Variants in SPOCK1 observed in about 807,000 individuals in gnomAD.
SPOCK1 encodes testican-1.
In SPOCK1, 23 loss-of-function variants were observed where a neutral mutation model predicts 55.3. The observed-to-expected ratio is 0.42, with a 90% confidence interval of 0.30 to 0.59. The LOEUF (loss-of-function observed/expected upper bound fraction) is 0.59. Ranked by LOEUF, SPOCK1 falls within the 20% of genes least tolerant of loss-of-function variation. The pLI, the probability that SPOCK1 is intolerant of heterozygous loss-of-function variation, is 0.22. For synonymous variants in SPOCK1, 226 were observed against 221.0 expected (o/e 1.02, Z -0.20); for missense variants, 499 against 552.5 (o/e 0.90, Z 0.97).
intron 3 of SPOCK1, among the ~76,000 whole-genome samples, chr5:137,234,726 C>T (rs1756142456): frequency 6.6e-6 from 1 of 152,098 alleles, no homozygotes; most frequent in South Asian, 2.1e-4. Flanking sequence ...GACTTGCCTC[C>T]AAAGAAGAGT....
intron 3 of SPOCK1, among the ~76,000 whole-genome samples, chr5:137,186,539 A>G (rs1027913824): frequency 1.3e-5 from 2 of 152,232 alleles, no homozygotes; most frequent in Non-Finnish European, 2.9e-5. Flanking sequence ...CTCTAGCTTC[A>G]CAAGGCAATG....
chr5:137,005,701 A>T lies in SPOCK1; in HGVS notation c.590-13101T>A, dbSNP rs555018727. Among the ~76,000 whole-genome samples, 12 of 152,256 alleles carry T rather than the reference A, an allele frequency of 7.9e-5. No homozygotes were observed. In the East Asian group the frequency reaches 1.7e-3, roughly 22 times the overall value. On this transcript the variant is annotated intron_variant, in intron 6 of 10. Coordinates refer to ENST00000394945, the MANE Select transcript of SPOCK1 (RefSeq NM_004598.4). ...GCCAGAAATGAGAAGAGTGAACAAC[A>T]TGAAGAGGAAATAAAGAAGGAATTA...
chr5:137,433,378 T>C (rs1040555357), intron 2 of SPOCK1, among the ~76,000 whole-genome samples: 30 of 152,182 alleles, frequency 2.0e-4, no homozygotes, highest in African/African-American at 6.8e-4. Context: ...CTTTATTTCA[T>C]GGAGGAGGGC....
chr5:137,199,415 C>A (rs939737399), intron 3 of SPOCK1, among the ~76,000 whole-genome samples: 16 of 152,104 alleles, frequency 1.1e-4, no homozygotes, highest in African/African-American at 3.6e-4. Context: ...AGAAAAGAGC[C>A]TCCTGGGTTG....
intron 2 of SPOCK1, among the ~76,000 whole-genome samples, chr5:137,418,267 G>T (rs1222935319): frequency 1.3e-5 from 2 of 152,052 alleles, no homozygotes; most frequent in Non-Finnish European, 2.9e-5. Flanking sequence ...ATAAACACAC[G>T]TGTACATGTG....
chr5:137,017,262 TCTCTTATGGCAGTACCTTGATGTG>T (rs1330744434), intron 6 of SPOCK1, among the ~76,000 whole-genome samples: 4 of 152,026 alleles, frequency 2.6e-5, no homozygotes, highest in Admixed American at 2.6e-4. Flanking sequence ...CATTTCTGTC[TCTCTTATGGCAGTACCTTGATGTG>T]GTAGGAGCTT....
chr5:137,091,652 CT>C (rs1753056611), intron 5 of SPOCK1, among the ~76,000 whole-genome samples: 1 of 152,186 alleles, frequency 6.6e-6, no homozygotes, highest in Admixed American at 6.5e-5. Context: ...CACTGTCAGT[CT>C]GTTGGAGGAT....
chr5:137,283,702 A>G (rs1486324548), intron 2 of SPOCK1, among the ~76,000 whole-genome samples: 6 of 152,100 alleles, frequency 3.9e-5, no homozygotes, highest in African/African-American at 1.4e-4. Flanking sequence ...GTGACAGAGC[A>G]AAACCCTATC....
At chr5:137,290,485 C>G (rs945477075) in intron 2 of SPOCK1, among the ~76,000 whole-genome samples, 5 of 152,150 alleles carry the variant, frequency 3.3e-5, no homozygotes, top group Admixed American at 1.3e-4. Flanking sequence ...ATTAGGGGAG[C>G]ATGAGCGAGG....
At chr5:137,134,544 A>G (rs1031097841) in intron 4 of SPOCK1, among the ~76,000 whole-genome samples, 8 of 152,236 alleles carry the variant, frequency 5.3e-5, no homozygotes, top group Admixed American at 3.9e-4. Flanking sequence ...AGCCACTTGG[A>G]GAAGGGGCAT....
At chr5:137,224,662 C>G (rs972406497) in intron 3 of SPOCK1, among the ~76,000 whole-genome samples, 16 of 152,334 alleles carry the variant, frequency 1.1e-4, no homozygotes, top group Admixed American at 9.1e-4. Flanking sequence ...ACCTCATACA[C>G]ACGGCTTCAT....
intron 2 of SPOCK1, among the ~76,000 whole-genome samples, chr5:137,362,008 A>T (rs1241603000): frequency 1.3e-5 from 2 of 152,196 alleles, no homozygotes; most frequent in Non-Finnish European, 2.9e-5. Flanking sequence ...CGAGCTGTTC[A>T]GAGATGGAGG....
intron 5 of SPOCK1, among the ~76,000 whole-genome samples, chr5:137,071,050 T>G (rs1752604404): frequency 6.7e-6 from 1 of 148,366 alleles, no homozygotes; most frequent in Admixed American, 6.8e-5. Flanking sequence ...AGAGACAGGG[T>G]CTCACTCTGT....
intron 3 of SPOCK1, among the ~76,000 whole-genome samples, chr5:137,164,147 C>A (rs1039073307): frequency 2.0e-5 from 3 of 152,228 alleles, no homozygotes; most frequent in Admixed American, 2.0e-4. Flanking sequence ...TTAATGGGAC[C>A]AAGAATATTC....
chr5:137,034,148 C>T (rs1232434560), intron 6 of SPOCK1, among the ~76,000 whole-genome samples: 1 of 152,230 alleles, frequency 6.6e-6, no homozygotes, highest in African/African-American at 2.4e-5. Flanking sequence ...TTCTCTCCTG[C>T]CCTGGAGGAC....
intron 3 of SPOCK1, among the ~76,000 whole-genome samples, chr5:137,247,581 G>A (rs1343647346): frequency 6.6e-6 from 1 of 152,086 alleles, no homozygotes; most frequent in Non-Finnish European, 1.5e-5. Flanking sequence ...GATTTGCAGA[G>A]CACTTTAAAA....
At chr5:137,476,348 G>A (rs1318888855) in intron 2 of SPOCK1, among the ~76,000 whole-genome samples, 1 of 152,148 alleles carries the variant, frequency 6.6e-6, no homozygotes, top group Non-Finnish European at 1.5e-5. Flanking sequence ...ACACAGGTGG[G>A]AGCAAGCACA....
At chr5:137,227,280 C>T (rs1434632) in intron 3 of SPOCK1, among the ~76,000 whole-genome samples, 18,655 of 152,242 alleles carry the variant, frequency 0.12, 1,281 homozygotes, top group East Asian at 0.22. Flanking sequence ...AGTGCCTCAA[C>T]ATCTATTGTA....
intron 3 of SPOCK1, among the ~76,000 whole-genome samples, chr5:137,185,473 T>C (rs116225494): frequency 0.018 from 2,788 of 152,312 alleles, 38 homozygotes; most frequent in Non-Finnish European, 0.026. Context: ...GTCTCAGCAA[T>C]TAGTTTAATT....
Sources: allele counts gnomAD v4.1 joint callset (sites outside exome capture counted in the v4.1 genomes callset), GRCh38; gene constraint gnomAD v4.1.1; transcripts MANE v1.5; gene names NCBI Gene and HGNC (gene_info 2026-07-23, HGNC 2026-07-21).